The following NBEA variants were observed in gnomAD, a reference collection of about 807,000 sequenced individuals.
The protein encoded by NBEA is lysosomal-trafficking regulator 2.
Under a neutral mutation model 343.4 loss-of-function variants are expected in NBEA, and 44 were observed. That is an observed-to-expected ratio of 0.13 (90% CI 0.10 to 0.16). NBEA has a LOEUF of 0.16. Ranked by LOEUF, NBEA falls within the 10% of genes least tolerant of loss-of-function variation. NBEA has a pLI of 1.00. For synonymous variants in NBEA, 1,175 were observed against 1,238.7 expected (o/e 0.95, Z 1.08); for missense variants, 2,555 against 3,631.3 (o/e 0.70, Z 7.62).
In NBEA at chr13:35,058,743, A is replaced by G. The variant is rs1339774857; in HGVS notation, c.1119A>G (p.Ser373=). 11 of 1,587,476 alleles carry G rather than the reference A, an allele frequency of 6.9e-6. No homozygotes were observed. The highest frequency in any genetic ancestry group is 1.8e-5 in the Admixed American group (1 of 56,588). ...NDSYDKCFLG[S]SETADANRVF... is the part of the protein sequence containing the mutation. ...GCTATGACAAGTGCTTTCTTGGATC[A>G]TCAGAAACTGCTGATGCAAATAGGG... The change falls in exon 8 of 59, where the codon TCA becomes TCG. Residue 373 remains serine, a synonymous_variant. Coordinates refer to ENST00000379939, the MANE Select transcript of NBEA (RefSeq NM_001385012.1).
At chr13:35,303,929 A>G (rs180763100) in intron 35 of NBEA, among the ~76,000 whole-genome samples, 148 of 152,264 alleles carry the variant, frequency 9.7e-4, no homozygotes, top group Non-Finnish European at 1.7e-3. Flanking sequence ...TCCTCCCAGC[A>G]TTTAGGGCCT....
intron 37 of NBEA, 116 bp from the exon 38 acceptor site, chr13:35,352,041 C>A: frequency 5.9e-6 from 3 of 505,672 alleles, no homozygotes; most frequent in Non-Finnish European, 9.4e-6. Flanking sequence ...CAAAAGATTA[C>A]ATTATTTGAG....
chr13:35,091,526 G>T (rs934384251), intron 10 of NBEA, among the ~76,000 whole-genome samples: 1 of 151,888 alleles, frequency 6.6e-6, no homozygotes, highest in Non-Finnish European at 1.5e-5. Flanking sequence ...TGACATGATT[G>T]TCTATGTAAA....
Position 35,196,064 on chromosome 13 carries a change from G to A in NBEA, c.5128G>A (p.Glu1710Lys), listed in dbSNP as rs561239166. ...TGAACTCTTATCCACTTTGTCATCC[G>A]AAGTGAAGAAATCACAAGAGAGCTT... ...MSELLSTLSSEVKKSQESLTE... is the reference protein window; with the variant it reads ...MSELLSTLSSKVKKSQESLTE... The change falls in exon 31 of 59, where the codon GAA (glutamate) becomes AAA (lysine). Residue 1710 changes from glutamate (E) to lysine (K), a missense_variant. Glu to Lys is a moderately conservative substitution (Grantham distance 56, BLOSUM62 1). Transcript: ENST00000379939. 6.2e-6 allele frequency: 10 copies of A among 1,613,610 alleles called. No individual in the cohort carries two copies. The highest frequency in any genetic ancestry group is 1.1e-5 in the South Asian group (1 of 91,080).
At chr13:35,341,177 A>G (rs1423522326) in intron 36 of NBEA, among the ~76,000 whole-genome samples, 1 of 152,164 alleles carries the variant, frequency 6.6e-6, no homozygotes, top group Non-Finnish European at 1.5e-5. Context: ...CACTTCAACA[A>G]TGGTGCTGGA....
At chr13:35,129,451 C>T (rs1387413718) in intron 17 of NBEA, among the ~76,000 whole-genome samples, 1 of 151,588 alleles carries the variant, frequency 6.6e-6, no homozygotes, top group African/African-American at 2.4e-5. Flanking sequence ...TAAAAAAACC[C>T]TAAGTAACTT....
At chr13:35,347,793 T>A (rs1394990722) in intron 36 of NBEA, among the ~76,000 whole-genome samples, 1 of 152,024 alleles carries the variant, frequency 6.6e-6, no homozygotes, top group East Asian at 1.9e-4. Context: ...GCTAAGCAGT[T>A]CTCTCTGGCT....
chr13:35,456,196 T>C (rs2046572510), intron 40 of NBEA, among the ~76,000 whole-genome samples: 1 of 152,028 alleles, frequency 6.6e-6, no homozygotes, highest in Admixed American at 6.5e-5. Context: ...CTAGTTTTAA[T>C]AAAGATAAAA....
At position 35,654,229 on chromosome 13, in the gene NBEA, T is replaced by C. The variant is rs946514284; in HGVS notation, c.8036-626T>C. On this transcript the variant is annotated intron_variant, in intron 53 of 58. Transcript: ENST00000379939. ...CAGGGCTCTGCACTGATTCTTTGCC[T>C]GTCTCTTTCCTCCCCAGTCCCTCTC... 2.6e-5 allele frequency among the ~76,000 whole-genome samples: 4 copies of C among 152,208 alleles called. No homozygotes were observed. In the South Asian group the frequency reaches 8.3e-4, roughly 32 times the overall value.
At position 35,159,306 on chromosome 13, in the gene NBEA, A is replaced by C; in HGVS notation, c.3135A>C (p.Gly1045=). The change falls in exon 22 of 59, where the codon GGA becomes GGC. Residue 1045 remains glycine (G), a synonymous_variant. Transcript: ENST00000379939. The part of the protein sequence containing the change: ...DDILGNSDRP[G]SGVHVEVHDL... ...TTCTTGGAAATTCAGATAGACCAGG[A>C]AGTGGTGTACATGTGGAAGTACATG... 1 of 1,613,592 alleles carries C rather than the reference A, an allele frequency of 6.2e-7. No homozygotes were observed. Among genetic ancestry groups the C allele is most frequent in the Non-Finnish European group, 8.5e-7 (1 of 1,179,680 alleles).
chr13:35,667,681 T>G lies in NBEA; in HGVS notation c.8661+111T>G, dbSNP rs2085425042. On this transcript the variant is annotated intron_variant, in intron 57 of 58. Transcript: ENST00000379939. ...TGTCTGTGCTATCCAGATAAATGTG[T>G]TCTAGATTAAAAGTATATAACTTCT... The G allele has an allele frequency of 2.1e-5, 22 of 1,069,046 alleles. No homozygotes were observed. In the Admixed American group the frequency reaches 5.1e-4, roughly 25 times the overall value. The allele number at this position is 1,069,046 out of a possible 1,614,324, so 66.2% of individuals were successfully genotyped here.
intron 47 of NBEA, among the ~76,000 whole-genome samples, chr13:35,602,938 C>T (rs1314527123): frequency 6.6e-6 from 1 of 152,162 alleles, no homozygotes; most frequent in East Asian, 1.9e-4. Flanking sequence ...TGAAATTAGT[C>T]TTCTGCCACT....
chr13:35,105,822 A>G (rs1413593427), intron 11 of NBEA, among the ~76,000 whole-genome samples: 1 of 152,016 alleles, frequency 6.6e-6, no homozygotes, highest in Non-Finnish European at 1.5e-5. Context: ...TACAATTACA[A>G]TAGTTTTACA....
At chr13:35,477,631 G>A (rs1487638504) in intron 41 of NBEA, among the ~76,000 whole-genome samples, 2 of 152,080 alleles carry the variant, frequency 1.3e-5, no homozygotes, top group South Asian at 2.1e-4. Context: ...GAAGGTTTGG[G>A]GTATCTGGCT....
At chr13:35,150,526 C>G (rs1239615183) in intron 18 of NBEA, among the ~76,000 whole-genome samples, 1 of 152,078 alleles carries the variant, frequency 6.6e-6, no homozygotes, top group East Asian at 1.9e-4. Flanking sequence ...GGAAATTTAA[C>G]TGAAAAAGGA....
intron 55 of NBEA, among the ~76,000 whole-genome samples, chr13:35,661,289 G>A (rs2085079154): frequency 6.6e-6 from 1 of 152,160 alleles, no homozygotes; most frequent in South Asian, 2.1e-4. Flanking sequence ...GGTGAGCGTA[G>A]GACAGTAATG....
At chr13:35,288,531 C>CT (rs1191850508) in intron 34 of NBEA, among the ~76,000 whole-genome samples, 2 of 151,762 alleles carry the variant, frequency 1.3e-5, no homozygotes, top group Non-Finnish European at 2.9e-5. Context: ...TTTGCCATTC[C>CT]TTTTGAACAA....
intron 1 of NBEA, among the ~76,000 whole-genome samples, chr13:35,002,544 G>C (rs1294007694): frequency 6.6e-6 from 1 of 152,090 alleles, no homozygotes; most frequent in Admixed American, 6.5e-5. Context: ...AAAGAGAAAT[G>C]ATCTCATTTA....
At chr13:35,485,707 G>A (rs377066390) in intron 41 of NBEA, among the ~76,000 whole-genome samples, 2 of 152,140 alleles carry the variant, frequency 1.3e-5, no homozygotes, top group Admixed American at 6.5e-5. Flanking sequence ...CTTGCAGGCT[G>A]CTGTGAAAGG....
Sources: gnomAD v4.1 joint callset for allele counts (sites outside exome capture counted in the v4.1 genomes callset) on GRCh38, gnomAD v4.1.1 for gene constraint, MANE v1.5 for transcripts, NCBI Gene and HGNC (gene_info 2026-07-23, HGNC 2026-07-21) for gene names.